Variants in KLHDC10 observed in about 807,000 individuals in gnomAD.
KLHDC10 encodes kelch domain containing 10, also known as kelch domain-containing protein 10.
Under a neutral mutation model 56.1 loss-of-function variants are expected in KLHDC10, and 24 were observed. The observed-to-expected ratio is 0.43, with a 90% CI of 0.31 to 0.60. The LOEUF (loss-of-function observed/expected upper bound fraction) is 0.60. Ranked by LOEUF, KLHDC10 falls within the 20% of genes least tolerant of loss-of-function variation. KLHDC10 has a pLI of 0.11. For synonymous variants in KLHDC10, 188 were observed against 207.1 expected (o/e 0.91, Z 0.79); for missense variants, 349 against 567.0 (o/e 0.62, Z 3.91).
chr7:130,107,869 A>G (rs893410458), intron 2 of KLHDC10, among the ~76,000 whole-genome samples: 1 of 123,198 alleles, frequency 8.1e-6, no homozygotes, highest in African/African-American at 2.9e-5. Flanking sequence ...AAAAAAAAAG[A>G]GCCGGACGCG....
intron 2 of KLHDC10, among the ~76,000 whole-genome samples, chr7:130,104,051 G>A (rs1795975507): frequency 6.6e-6 from 1 of 152,048 alleles, no homozygotes; most frequent in Admixed American, 6.6e-5. Context: ...TCGTGCTACT[G>A]CACTCCAGCC....
intron 3 of KLHDC10, among the ~76,000 whole-genome samples, chr7:130,119,380 C>T (rs1796215678): frequency 6.6e-6 from 1 of 151,558 alleles, no homozygotes; most frequent in South Asian, 2.1e-4. Flanking sequence ...GGCATGGTGG[C>T]ACACACCTGT....
chr7:130,121,969 A>T (rs977260766), intron 4 of KLHDC10, 85 bp from the exon 5 acceptor site: 35 of 1,184,298 alleles, frequency 3.0e-5, no homozygotes, highest in Middle Eastern at 4.0e-4. Flanking sequence ...ATTTCATAAA[A>T]CCTGATTTGG....
chr7:130,073,144 G>A (rs1420501481), intron 1 of KLHDC10, among the ~76,000 whole-genome samples: 1 of 152,004 alleles, frequency 6.6e-6, no homozygotes, highest in East Asian at 1.9e-4. Context: ...CAAGGTGGGA[G>A]GATCACTTGA....
intron 7 of KLHDC10, 59 bp downstream of exon 7, chr7:130,125,990 T>C: frequency 7.9e-7 from 1 of 1,273,420 alleles, no homozygotes; most frequent in Non-Finnish European, 1.1e-6. Context: ...CTTTTACTCA[T>C]TTTGGAAGGA....
chr7:130,082,892 G>T (rs1795627898), intron 1 of KLHDC10, among the ~76,000 whole-genome samples: 1 of 152,086 alleles, frequency 6.6e-6, no homozygotes, highest in African/African-American at 2.4e-5. Flanking sequence ...TAAAGTTCCT[G>T]TTCCTAAAGA....
intron 1 of KLHDC10, among the ~76,000 whole-genome samples, chr7:130,079,374 A>G (rs1795566336): frequency 6.6e-6 from 1 of 152,094 alleles, no homozygotes; most frequent in South Asian, 2.1e-4. Flanking sequence ...ATTTTTTTTA[A>G]TAAATACTTT....
Position 130,125,928 on chromosome 7 carries a change from A to C in KLHDC10, c.928A>C (p.Ile310Leu). Residue 310 changes from isoleucine to leucine, a missense_variant, in exon 7 of 10, where the codon ATA becomes CTA. Coordinates refer to ENST00000335420, the MANE Select transcript of KLHDC10 (RefSeq NM_014997.4). The part of the protein sequence containing the change: ...EEIATKPHEK[I>L]GFPAARRCHS... ...AATTGCAACAAAACCCCATGAAAAAATAGGTAAATTTAAAGTATTGATTAA... is the reference window on the plus strand; with the variant it reads ...AATTGCAACAAAACCCCATGAAAAACTAGGTAAATTTAAAGTATTGATTAA... 6.3e-7 allele frequency: 1 copy of C among 1,587,892 alleles called. No homozygotes were observed. Among genetic ancestry groups the C allele is most frequent in the Non-Finnish European group, 8.6e-7 (1 of 1,165,478 alleles).
chr7:130,074,444 A>ATG (rs1399759244), intron 1 of KLHDC10, among the ~76,000 whole-genome samples: 1 of 152,142 alleles, frequency 6.6e-6, no homozygotes, highest in Non-Finnish European at 1.5e-5. Flanking sequence ...GTGCGTATAC[A>ATG]TATACACACA....
At chr7:130,106,971 A>C (rs1015720787) in intron 2 of KLHDC10, among the ~76,000 whole-genome samples, 6 of 152,214 alleles carry the variant, frequency 3.9e-5, no homozygotes, top group Non-Finnish European at 8.8e-5. Context: ...ACCCTGTCTC[A>C]AAAATAAATA....
In KLHDC10 at chr7:130,130,043, G is replaced by A. The variant is rs1041717974; in HGVS notation, c.1119+467G>A. 1.1e-4 allele frequency among the ~76,000 whole-genome samples: 17 copies of A among 152,052 alleles called. No homozygotes were observed. The highest frequency in any genetic ancestry group is 4.1e-4 in the South Asian group (2 of 4,822). ...AAAAATTCATATATATAGGCCGGGC[G>A]CGGTGGCTCAGGCCTGTAATCCCAG... On this transcript the variant is annotated intron_variant, in intron 9 of 9. Coordinates refer to ENST00000335420, the MANE Select transcript of KLHDC10 (RefSeq NM_014997.4). This position sits in a 1 kb window ranked among gnomAD's most constrained non-coding sequence, Gnocchi z 4.2.
intron 1 of KLHDC10, among the ~76,000 whole-genome samples, chr7:130,096,052 G>A (rs1011292660): frequency 2.6e-5 from 4 of 152,140 alleles, no homozygotes; most frequent in African/African-American, 4.8e-5. Flanking sequence ...TCCTAGCATA[G>A]GGCTCCAGGC....
intron 1 of KLHDC10, among the ~76,000 whole-genome samples, chr7:130,074,655 C>G (rs1304230816): frequency 6.1e-5 from 9 of 146,638 alleles, no homozygotes. Context: ...GAGTCTTGCT[C>G]TGTCACCCAG....
intron 1 of KLHDC10, among the ~76,000 whole-genome samples, chr7:130,083,283 C>G (rs1280736007): frequency 2.6e-5 from 4 of 152,194 alleles, no homozygotes; most frequent in Non-Finnish European, 4.4e-5. Flanking sequence ...TCCTTTTACT[C>G]ATTCCTTATA....
At chr7:130,104,101 T>G (rs1388315595) in intron 2 of KLHDC10, among the ~76,000 whole-genome samples, 1 of 151,872 alleles carries the variant, frequency 6.6e-6, no homozygotes, top group Non-Finnish European at 1.5e-5. Flanking sequence ...AAAAAAATTA[T>G]AAGAAAAATA....
chr7:130,098,162 A>T (rs1402727881), intron 2 of KLHDC10, among the ~76,000 whole-genome samples: 1 of 152,146 alleles, frequency 6.6e-6, no homozygotes, highest in Non-Finnish European at 1.5e-5. Flanking sequence ...GATCCTCAAG[A>T]TGGTGTACCA....
At chr7:130,078,619 C>T (rs918184269) in intron 1 of KLHDC10, among the ~76,000 whole-genome samples, 3 of 151,586 alleles carry the variant, frequency 2.0e-5, no homozygotes, top group Admixed American at 6.6e-5. Flanking sequence ...CCCGGGTTCA[C>T]GCCATTCTCC....
intron 1 of KLHDC10, among the ~76,000 whole-genome samples, chr7:130,077,700 C>T (rs1795533540): frequency 6.6e-6 from 1 of 151,658 alleles, no homozygotes; most frequent in East Asian, 2.0e-4. Flanking sequence ...GGACTACAGG[C>T]ACCTGCTACC....
At chr7:130,076,160 C>T (rs1030185538) in intron 1 of KLHDC10, among the ~76,000 whole-genome samples, 2 of 151,986 alleles carry the variant, frequency 1.3e-5, no homozygotes, top group African/African-American at 4.8e-5. Context: ...CACAGTTCAC[C>T]GTAGAGTTAG....
Sources: gnomAD v4.1 joint callset for allele counts (sites outside exome capture counted in the v4.1 genomes callset) on GRCh38, gnomAD v4.1.1 for gene constraint, Gnocchi (gnomAD v3.1) non-coding constraint, MANE v1.5 for transcripts, NCBI Gene and HGNC (gene_info 2026-07-23, HGNC 2026-07-21) for gene names.